Variants in TNRC6A observed in about 807,000 individuals in gnomAD.
The protein encoded by TNRC6A is trinucleotide repeat containing adaptor 6A, also known as trinucleotide repeat-containing gene 6A protein.
Under a neutral mutation model 221.2 loss-of-function variants are expected in TNRC6A, and 44 were observed. The ratio of observed to expected loss-of-function variants is 0.20; its 90% CI spans 0.16 to 0.26. TNRC6A has a LOEUF of 0.26. TNRC6A is among the 10% of genes least tolerant of loss of function. The probability of loss-of-function intolerance (pLI) is 1.00; values close to 1 mark genes in which losing one functional copy is unlikely to be tolerated. For missense variants in TNRC6A, 2,199 were observed against 2,404.4 expected (o/e 0.91, Z 1.79); for synonymous variants, 847 against 838.5 (o/e 1.01, Z -0.18).
At chr16:24,734,202 A>T (rs531253587) in intron 2 of TNRC6A, among the ~76,000 whole-genome samples, 2 of 152,278 alleles carry the variant, frequency 1.3e-5, no homozygotes, top group East Asian at 3.9e-4. Context: ...AAAGGAAAAA[A>T]AAGATGAGTG....
rs1567327724 is a variant in TNRC6A, at chr16:24,653,965, C to CGCAATCATAGCCCACTGCA, written n.402+12960_402+12978dup. 2.6e-5 allele frequency among the ~76,000 whole-genome samples: 4 copies of CGCAATCATAGCCCACTGCA among 152,230 alleles called. No individual in the cohort carries two copies. In the East Asian group the frequency reaches 7.7e-4, roughly 29 times the overall value. On this transcript the variant is annotated intron_variant and non_coding_transcript_variant, in intron 2 of 2. Transcript: ENST00000566108. The stretch of plus-strand genomic sequence containing the variant: ...TGTGGCCCAGGCCGGGGTGCAGTGG[C>CGCAATCATAGCCCACTGCA]GCAATCATAGCCCACTGCAGCATCC...
intron 1 of TNRC6A, among the ~76,000 whole-genome samples, chr16:24,623,700 G>A (rs924586630): frequency 2.0e-5 from 3 of 151,532 alleles, no homozygotes; most frequent in Admixed American, 6.6e-5. Context: ...AGATCAGCCC[G>A]GGCAATATAG....
At chr16:24,665,881 A>T (rs557084710) in intron 2 of TNRC6A, among the ~76,000 whole-genome samples, 38 of 152,302 alleles carry the variant, frequency 2.5e-4, no homozygotes, top group African/African-American at 8.4e-4. Context: ...CTGCTAGCAT[A>T]TCAATCAAAT....
intron 4 of TNRC6A, among the ~76,000 whole-genome samples, chr16:24,765,683 G>T (rs1596650204): frequency 6.6e-6 from 1 of 151,916 alleles, no homozygotes; most frequent in African/African-American, 2.4e-5. Context: ...AGATGTCTTT[G>T]AGCTATGTAA....
intron 18 of TNRC6A, among the ~76,000 whole-genome samples, chr16:24,811,059 C>T (rs777175820): frequency 2.0e-5 from 3 of 152,046 alleles, no homozygotes; most frequent in Non-Finnish European, 2.9e-5. Context: ...AGGTGTTCGC[C>T]GTAAATCATA....
At chr16:24,797,684 G>GATGTTAGAGTAAA (rs2058248065) in intron 10 of TNRC6A, 114 bp downstream of exon 10, 2 of 997,268 alleles carry the variant, frequency 2.0e-6, no homozygotes. Flanking sequence ...GAATGTACTT[G>GATGTTAGAGTAAA]ATGTTAGAGT....
chr16:24,650,833 T>A (rs914773223), intron 2 of TNRC6A, among the ~76,000 whole-genome samples: 1 of 152,114 alleles, frequency 6.6e-6, no homozygotes, highest in Non-Finnish European at 1.5e-5. Flanking sequence ...AGAAATATAA[T>A]CCTACCAAAG....
intron 2 of TNRC6A, among the ~76,000 whole-genome samples, chr16:24,650,195 C>G (rs1221358713): frequency 6.6e-6 from 1 of 151,982 alleles, no homozygotes; most frequent in Admixed American, 6.6e-5. Flanking sequence ...ACATCAGTTG[C>G]CTGCCTTTAT....
At chr16:24,646,643 T>A (rs968033090) in intron 2 of TNRC6A, among the ~76,000 whole-genome samples, 5 of 152,218 alleles carry the variant, frequency 3.3e-5, no homozygotes, top group Admixed American at 6.5e-5. Flanking sequence ...TTTTTTCATA[T>A]CTAAGTGAAA....
At chr16:24,675,688 CTCTCTCTCTCTCTCTATATATATATATA>C (rs1244278980) in intron 2 of TNRC6A, among the ~76,000 whole-genome samples, 992 of 86,002 alleles carry the variant, frequency 0.012, 7 homozygotes, top group South Asian at 0.023. Flanking sequence ...CTCTCTCTCT[CTCTCTCTCTCTCTCTATATATATATATA>C]TATATATATA....
chr16:24,711,108 C>T (rs909363521), intron 2 of TNRC6A, among the ~76,000 whole-genome samples: 7 of 152,064 alleles, frequency 4.6e-5, no homozygotes, highest in Non-Finnish European at 8.8e-5. Flanking sequence ...ATCTCCTGAC[C>T]TCGTGATCCA....
At chr16:24,744,217 T>C (rs1295031507) in intron 2 of TNRC6A, among the ~76,000 whole-genome samples, 1 of 152,244 alleles carries the variant, frequency 6.6e-6, no homozygotes, top group Non-Finnish European at 1.5e-5. Context: ...TGTCAGGAGA[T>C]GCCTGATATC....
intron 2 of TNRC6A, among the ~76,000 whole-genome samples, chr16:24,686,389 T>C (rs1189220548): frequency 1.3e-5 from 2 of 152,184 alleles, no homozygotes; most frequent in African/African-American, 2.4e-5. Flanking sequence ...CTGGAATCCT[T>C]GTTATGCCCC....
At chr16:24,793,030 C>G (rs1290054156) in intron 6 of TNRC6A, among the ~76,000 whole-genome samples, 1 of 152,064 alleles carries the variant, frequency 6.6e-6, no homozygotes, top group Non-Finnish European at 1.5e-5. Flanking sequence ...CTCAGGTGAT[C>G]CACCTGCCTC....
chr16:24,630,931 G>T (rs568325916), intron 1 of TNRC6A, among the ~76,000 whole-genome samples: 1 of 152,226 alleles, frequency 6.6e-6, no homozygotes, highest in South Asian at 2.1e-4. Flanking sequence ...ATGGCTGTTT[G>T]CTGGGGTGGA....
chr16:24,821,372 C>T (rs12599643), intron 22 of TNRC6A, among the ~76,000 whole-genome samples: 47,941 of 152,028 alleles, frequency 0.32, 7,870 homozygotes, highest in East Asian at 0.46. Context: ...CCAAGCGAAC[C>T]GAGGGGCAGC....
chr16:24,819,733 T>TC (rs1190446580), intron 21 of TNRC6A: 1 of 206,440 alleles, frequency 4.8e-6, no homozygotes, highest in South Asian at 8.0e-5. Context: ...GAGTTGGGGC[T>TC]CTTTTGCAGT....
intron 5 of TNRC6A, among the ~76,000 whole-genome samples, chr16:24,777,581 C>T (rs2057752789): frequency 6.6e-6 from 1 of 152,104 alleles, no homozygotes; most frequent in African/African-American, 2.4e-5. Context: ...CCTTCAGGTT[C>T]TGCCCATTTT....
chr16:24,819,369 A>G (rs1161634336), intron 21 of TNRC6A, among the ~76,000 whole-genome samples: 2 of 151,780 alleles, frequency 1.3e-5, no homozygotes, highest in Admixed American at 1.3e-4. Context: ...CTGCATACCC[A>G]CTCATGTCTC....
Sources: allele counts gnomAD v4.1 joint callset (sites outside exome capture counted in the v4.1 genomes callset), GRCh38; gene constraint gnomAD v4.1.1; transcripts MANE v1.5; gene names NCBI Gene and HGNC (gene_info 2026-07-23, HGNC 2026-07-21).